Variants in WASHC5 observed in about 807,000 individuals in gnomAD.
WASHC5 encodes the protein WASH complex subunit strumpellin.
In WASHC5, 101 loss-of-function variants were observed where a neutral mutation model predicts 150.4. The observed-to-expected ratio is 0.67, with a 90% CI of 0.57 to 0.79. The LOEUF is 0.79. WASHC5 is among the 30% of genes least tolerant of loss of function. The pLI, the probability that WASHC5 is intolerant of heterozygous loss-of-function variation, is 0.00. For synonymous variants in WASHC5, 467 were observed against 491.2 expected (o/e 0.95, Z 0.65); for missense variants, 1,195 against 1,396.3 (o/e 0.86, Z 2.30).
intron 6 of WASHC5, 89 bp downstream of exon 6, chr8:125,078,649 G>T (rs1817133360): frequency 1.8e-6 from 2 of 1,091,742 alleles, no homozygotes; most frequent in African/African-American, 1.5e-5. Flanking sequence ...ACTCTTTTGG[G>T]AAAGAAGGAA....
At position 125,024,576 on chromosome 8, in the gene WASHC5, AT is replaced by A. The variant is rs550928439; in HGVS notation, c.*40del. ...CAAATTCATTTGTGATGGTGGGAAG[AT>A]CTAAGGACAATCCTTCCATTGAAGA... On this transcript the variant is annotated 3_prime_UTR_variant, in exon 29 of 29. Transcript: ENST00000318410. 1,804 of 1,405,236 alleles carry A rather than the reference AT, an allele frequency of 1.3e-3. 3 individuals are homozygous for A. The highest frequency in any genetic ancestry group is 1.7e-3 in the Admixed American group (99 of 59,654). The allele number at this position is 1,405,236 out of a possible 1,614,324, so 87.0% of individuals were successfully genotyped here. A position where few individuals can be genotyped will look rare whatever the true frequency, so the allele number is the denominator to read the frequency against.
intron 5 of WASHC5, among the ~76,000 whole-genome samples, 186 bp from the exon 6 acceptor site, chr8:125,079,116 G>GTGTATATATATATATATATATATA (rs370503575): frequency 1.0e-5 from 1 of 97,926 alleles, no homozygotes; most frequent in Non-Finnish European, 1.8e-5. Flanking sequence ...GTGTGTGTGT[G>GTGTATATATATATATATATATATA]TATATATATA....
Position 125,077,690 on chromosome 8 carries a change from G to A in WASHC5, c.711+1048C>T, listed in dbSNP as rs77050010. Among the ~76,000 whole-genome samples, 596 of 152,300 alleles carry A rather than the reference G, an allele frequency of 3.9e-3. 1 individual carries two copies. The highest frequency in any genetic ancestry group is 6.7e-3 in the Non-Finnish European group (457 of 68,032). ...TGCTACTTAGTAACAGGAATTTAAG[G>A]AAATTATTTAAGCTCTCCAAGTCTT... On this transcript the variant is annotated intron_variant, in intron 6 of 28. Coordinates refer to ENST00000318410, the MANE Select transcript of WASHC5 (RefSeq NM_014846.4).
chr8:125,074,081 A>C (rs543083619), intron 8 of WASHC5, among the ~76,000 whole-genome samples: 1 of 152,196 alleles, frequency 6.6e-6, no homozygotes, highest in Non-Finnish European at 1.5e-5. Flanking sequence ...AAATTTGGTC[A>C]TTCTGCTTTA....
At chr8:125,026,020 A>G (rs1392504631) in intron 28 of WASHC5, among the ~76,000 whole-genome samples, 1 of 152,198 alleles carries the variant, frequency 6.6e-6, no homozygotes, top group Non-Finnish European at 1.5e-5. Flanking sequence ...TATATTACAA[A>G]TGTTTTTTTA....
rs191183519 is a variant in WASHC5, at chr8:125,087,276, T to C, written c.-124-3254A>G. 9.8e-5 allele frequency among the ~76,000 whole-genome samples: 15 copies of C among 152,358 alleles called. No individual in the cohort carries two copies. The East Asian group carries it at 2.9e-3, about 29-fold the overall frequency. On this transcript the variant is annotated intron_variant, in intron 1 of 28. Coordinates refer to ENST00000318410, the MANE Select transcript of WASHC5 (RefSeq NM_014846.4). Reference sequence around the variant, plus strand: ...TCTGTATTGTACTACTGCATTTTCCTCCAATCCCCATCTTTTCAGTTCTCT... The same window carrying C: ...TCTGTATTGTACTACTGCATTTTCCCCCAATCCCCATCTTTTCAGTTCTCT...
chr8:125,081,744 T>C lies in WASHC5; in HGVS notation c.435A>G (p.Leu145=), dbSNP rs145842027. 7.0e-5 allele frequency: 113 copies of C among 1,607,776 alleles called. No homozygotes were observed. The Middle Eastern group carries it at 1.2e-3, about 16-fold the overall frequency. ...CAATGACCAGTAGCATAACTCCATA[T>C]AAGTACAGTGCTTCACACTAAGAAG... ...GKQLLCEALY[L]YGVMLLVIDQ... is the part of the protein sequence containing the mutation. Residue 145 remains leucine, a synonymous_variant, in exon 5 of 29, where the codon TTA becomes TTG. Transcript: ENST00000318410.
chr8:125,045,430 A>T (rs1002524616), intron 20 of WASHC5, among the ~76,000 whole-genome samples: 2 of 152,204 alleles, frequency 1.3e-5, no homozygotes, highest in Non-Finnish European at 2.9e-5. Flanking sequence ...ACCACCCTTA[A>T]CCACCATTTC....
chr8:125,073,242 A>G lies in WASHC5; in HGVS notation c.1061T>C (p.Met354Thr). 1 of 1,614,084 alleles carries G rather than the reference A, an allele frequency of 6.2e-7. No homozygotes were observed. Among genetic ancestry groups the G allele is most frequent in the Non-Finnish European group, 8.5e-7 (1 of 1,179,968 alleles). Residue 354 changes from methionine to threonine, a missense_variant, in exon 9 of 29, where the codon ATG becomes ACG. By Grantham distance (81) the Met-to-Thr change is moderately conservative. Around this residue, in one of 3 missense-constraint regions of WASHC5, gnomAD observed 997 missense variants for 1,168.1 expected, o/e 0.85. Transcript: ENST00000318410. ...FLKEGYLREE[M>T]VLDNIPKLLN... ...AAGCTTTGGGATATTGTCCAGAACCATCTCCTCCCTTAAATAACCTTCTTT... is the reference window on the plus strand; with the variant it reads ...AAGCTTTGGGATATTGTCCAGAACCGTCTCCTCCCTTAAATAACCTTCTTT...
chr8:125,061,499 G>A (rs1182028474), intron 11 of WASHC5, among the ~76,000 whole-genome samples: 1 of 152,196 alleles, frequency 6.6e-6, no homozygotes, highest in South Asian at 2.1e-4. Flanking sequence ...GATGACCCTA[G>A]TTACCAGGGA....
intron 11 of WASHC5, among the ~76,000 whole-genome samples, chr8:125,061,788 T>C (rs1044717567): frequency 2.0e-5 from 3 of 152,206 alleles, no homozygotes; most frequent in Non-Finnish European, 4.4e-5. Flanking sequence ...CATGCTCTGA[T>C]TACCCTCAGT....
In WASHC5 at chr8:125,024,425, A is replaced by G. The variant is rs1343288237; in HGVS notation, c.*192T>C. On this transcript the variant is annotated 3_prime_UTR_variant, in exon 29 of 29. Transcript: ENST00000318410. ...TCTGATATAAATTGCATGTAATACC[A>G]TGATTTAAACAATATCAGTTATATT... 8 of 630,172 alleles carry G rather than the reference A, an allele frequency of 1.3e-5. No individual in the cohort carries two copies. In the East Asian group the frequency reaches 2.2e-4, roughly 18 times the overall value. 39.0% of individuals were successfully genotyped at this position (630,172 alleles called of 1,614,324 possible).
At chr8:125,066,012 A>T (rs1014194960) in intron 10 of WASHC5, among the ~76,000 whole-genome samples, 12 of 152,016 alleles carry the variant, frequency 7.9e-5, no homozygotes, top group African/African-American at 2.4e-4. Flanking sequence ...CTGTTTTCTC[A>T]TCTTGGCTTA....
intron 17 of WASHC5, among the ~76,000 whole-genome samples, chr8:125,054,514 C>T (rs1351372336): frequency 1.3e-5 from 2 of 152,156 alleles, no homozygotes; most frequent in Non-Finnish European, 2.9e-5. Context: ...AGCTTGCATG[C>T]CCCAGTGATG....
intron 28 of WASHC5, among the ~76,000 whole-genome samples, chr8:125,025,666 G>A (rs1462873187): frequency 6.6e-6 from 1 of 152,072 alleles, no homozygotes; most frequent in Non-Finnish European, 1.5e-5. Context: ...CCAGCCTGGC[G>A]ACAGATGGCA....
chr8:125,074,822 C>A (rs755631458), intron 8 of WASHC5, among the ~76,000 whole-genome samples, 176 bp downstream of exon 8: 5 of 152,156 alleles, frequency 3.3e-5, no homozygotes, highest in Non-Finnish European at 5.9e-5. Context: ...TACTATATAA[C>A]AAAACCTACA....
chr8:125,026,849 AAG>A (rs1167202744), intron 28 of WASHC5, among the ~76,000 whole-genome samples: 1 of 152,052 alleles, frequency 6.6e-6, no homozygotes, highest in African/African-American at 2.4e-5. Flanking sequence ...TTTTTTAAAA[AAG>A]GACTTGCCTA....
chr8:125,081,117 A>C (rs974477754), intron 5 of WASHC5, among the ~76,000 whole-genome samples: 8 of 152,122 alleles, frequency 5.3e-5, no homozygotes, highest in African/African-American at 1.9e-4. Context: ...CCATACTTCT[A>C]ATAATCTATA....
chr8:125,084,455 C>CG lies in WASHC5; in HGVS notation c.-124-434_-124-433insC, dbSNP rs143600343. 5.0e-3 allele frequency among the ~76,000 whole-genome samples: 759 copies of CG among 152,328 alleles called. 11 individuals carry two copies. Among genetic ancestry groups the CG allele is most frequent in the East Asian group, 0.03 (156 of 5,182 alleles). On this transcript the variant is annotated intron_variant, in intron 1 of 28. Coordinates refer to ENST00000318410, the MANE Select transcript of WASHC5 (RefSeq NM_014846.4). ...GTCCAATTATTTCCCAGAAATGGAA[C>CG]TGCAAGCTTAAGGTAAGAACATGTC...
Sources: gnomAD v4.1 joint callset for allele counts (sites outside exome capture counted in the v4.1 genomes callset) on GRCh38, gnomAD v4.1.1 for gene constraint, gnomAD v4.1.1 regional missense constraint, MANE v1.5 for transcripts, NCBI Gene and HGNC (gene_info 2026-07-23, HGNC 2026-07-21) for gene names.